Variants in CSMD1 observed in about 807,000 individuals in gnomAD.
The protein encoded by CSMD1 is CUB and Sushi multiple domains 1.
In CSMD1, 213 loss-of-function variants were observed where a neutral mutation model predicts 417.5. The observed-to-expected ratio is 0.51, with a 90% confidence interval of 0.46 to 0.57. The LOEUF is 0.57. Ranked by LOEUF, CSMD1 falls within the 20% of genes least tolerant of loss-of-function variation. CSMD1 has a pLI of 0.00. For missense variants in CSMD1, 6,923 were observed against 4,529.7 expected, an observed-to-expected ratio of 1.53 and a Z score of -15.17; for synonymous variants, 2,862 against 1,736.8, an observed-to-expected ratio of 1.65 and a Z score of -16.11.
chr8:3,334,424 T>C (rs1212883442), intron 23 of CSMD1, among the ~76,000 whole-genome samples: 1 of 152,206 alleles, frequency 6.6e-6, no homozygotes, highest in Admixed American at 6.5e-5. Context: ...AGCCACTCTC[T>C]CATTTATAGT....
At chr8:4,445,027 T>C (rs1203717311) in intron 2 of CSMD1, among the ~76,000 whole-genome samples, 2 of 152,246 alleles carry the variant, frequency 1.3e-5, no homozygotes, top group Admixed American at 1.3e-4. Flanking sequence ...TGAAAACCTA[T>C]ACCCATATTG....
At chr8:4,655,625 G>A (rs532177023) in intron 1 of CSMD1, among the ~76,000 whole-genome samples, 10 of 152,096 alleles carry the variant, frequency 6.6e-5, no homozygotes, top group Admixed American at 6.5e-4. Flanking sequence ...ACTTGCTATA[G>A]AAGAACATAG....
At chr8:4,526,295 T>C (rs538297620) in intron 2 of CSMD1, among the ~76,000 whole-genome samples, 1 of 152,206 alleles carries the variant, frequency 6.6e-6, no homozygotes, top group South Asian at 2.1e-4. Context: ...CTCTACATAA[T>C]AGGAAATGTA....
intron 30 of CSMD1, among the ~76,000 whole-genome samples, chr8:3,212,163 G>C (rs1191068250): frequency 1.3e-5 from 2 of 152,172 alleles, no homozygotes; most frequent in Non-Finnish European, 1.5e-5. Context: ...AGCACGCTGA[G>C]TTCTATTTGA....
chr8:4,685,218 A>C (rs1806295480), intron 1 of CSMD1, among the ~76,000 whole-genome samples: 1 of 152,208 alleles, frequency 6.6e-6, no homozygotes, highest in Non-Finnish European at 1.5e-5. Flanking sequence ...GCCGTAAACA[A>C]AGTGCTGCAT....
At chr8:4,445,096 G>T (rs529404322) in intron 2 of CSMD1, among the ~76,000 whole-genome samples, 1 of 152,044 alleles carries the variant, frequency 6.6e-6, no homozygotes, top group African/African-American at 2.4e-5. Flanking sequence ...TTACTTCTCT[G>T]AACAACAAAA....
chr8:3,919,631 C>A (rs527793591), intron 5 of CSMD1, among the ~76,000 whole-genome samples: 1 of 152,032 alleles, frequency 6.6e-6, no homozygotes, highest in Admixed American at 6.6e-5. Flanking sequence ...TTTTGTGATT[C>A]CATACAAATT....
intron 3 of CSMD1, among the ~76,000 whole-genome samples, chr8:4,119,143 C>G (rs7843181): frequency 0.99 from 150,575 of 152,208 alleles, 74,505 homozygotes; most frequent in East Asian, 1. Flanking sequence ...TAATGCATGT[C>G]GGGCTTAAAA....
intron 7 of CSMD1, among the ~76,000 whole-genome samples, chr8:3,680,629 T>C (rs1164214367): frequency 6.6e-6 from 1 of 152,158 alleles, no homozygotes; most frequent in African/African-American, 2.4e-5. Flanking sequence ...CAGGTACCAT[T>C]CCTTCTGAAA....
At chr8:3,691,315 C>A (rs981641483) in intron 7 of CSMD1, among the ~76,000 whole-genome samples, 1 of 151,404 alleles carries the variant, frequency 6.6e-6, no homozygotes, top group African/African-American at 2.4e-5. Context: ...TGCAGTGAGC[C>A]GGGATCGTGC....
At chr8:3,445,102 C>G (rs764779144) in intron 12 of CSMD1, among the ~76,000 whole-genome samples, 6 of 152,136 alleles carry the variant, frequency 3.9e-5, no homozygotes, top group African/African-American at 1.2e-4. Flanking sequence ...AAAAGAAAAA[C>G]AGAAAATAGG....
chr8:4,957,259 G>C (rs4360313), intron 1 of CSMD1, among the ~76,000 whole-genome samples: 2 of 151,970 alleles, frequency 1.3e-5, no homozygotes, highest in Non-Finnish European at 2.9e-5. Context: ...AGGAATCCTG[G>C]AGTCAGGCTT....
At chr8:3,245,815 T>A (rs1470079732) in intron 26 of CSMD1, among the ~76,000 whole-genome samples, 1 of 152,214 alleles carries the variant, frequency 6.6e-6, no homozygotes, top group Non-Finnish European at 1.5e-5. Context: ...TAGTTACTGT[T>A]TATCTTGAGA....
intron 3 of CSMD1, among the ~76,000 whole-genome samples, chr8:4,125,886 G>A (rs890004): frequency 0.99 from 150,628 of 152,242 alleles, 74,537 homozygotes; most frequent in East Asian, 1. Context: ...TAGGACTTAC[G>A]GTTTAGGAGA....
At position 3,271,830 on chromosome 8, in the gene CSMD1, G is replaced by C. The variant is rs1276942463; in HGVS notation, c.4153+12314C>G. 2.6e-5 allele frequency among the ~76,000 whole-genome samples: 4 copies of C among 151,740 alleles called. No individual in the cohort carries two copies. The East Asian group carries it at 7.8e-4, about 30-fold the overall frequency. ...AGTTCATTATAGATTGTGGATATTA[G>C]CCCTTTGTCAGATGAGTAGGTTGTG... is the stretch of plus-strand genomic sequence containing the variant. On this transcript the variant is annotated intron_variant, in intron 26 of 69. Coordinates refer to ENST00000635120, the MANE Select transcript of CSMD1 (RefSeq NM_033225.6).
At chr8:4,436,422 G>A (rs1005456770) in intron 2 of CSMD1, among the ~76,000 whole-genome samples, 1 of 152,118 alleles carries the variant, frequency 6.6e-6, no homozygotes, top group Non-Finnish European at 1.5e-5. Flanking sequence ...CAGAGTAGAT[G>A]TGTGTATTTG....
At chr8:3,489,510 A>G (rs1818247429) in intron 11 of CSMD1, among the ~76,000 whole-genome samples, 1 of 152,200 alleles carries the variant, frequency 6.6e-6, no homozygotes. Flanking sequence ...TCCACAAATC[A>G]AATTCGAGAA....
At chr8:4,711,394 G>A (rs900934541) in intron 1 of CSMD1, among the ~76,000 whole-genome samples, 3 of 151,976 alleles carry the variant, frequency 2.0e-5, no homozygotes, top group African/African-American at 4.8e-5. Flanking sequence ...CATAGTTTTC[G>A]TACCAGTGAT....
At chr8:4,803,134 C>T (rs76005229) in intron 1 of CSMD1, among the ~76,000 whole-genome samples, 3 of 152,084 alleles carry the variant, frequency 2.0e-5, no homozygotes, top group Admixed American at 6.5e-5. Context: ...TTTTTTTGCC[C>T]ATACAATGGA....
Sources: gnomAD v4.1 joint callset for allele counts (sites outside exome capture counted in the v4.1 genomes callset) on GRCh38, gnomAD v4.1.1 for gene constraint, MANE v1.5 for transcripts, NCBI Gene and HGNC (gene_info 2026-07-23, HGNC 2026-07-21) for gene names.